Variants in UBE3D observed in about 807,000 individuals in gnomAD.
UBE3D encodes the protein E3 ubiquitin-protein ligase E3D.
In UBE3D, 48 loss-of-function variants were observed where a neutral mutation model predicts 49.6. The ratio of observed to expected loss-of-function variants is 0.97; its 90% CI spans 0.77 to 1.23. The LOEUF is 1.23. Ranked by LOEUF, UBE3D falls within the 50% of genes most tolerant of loss-of-function variation. The probability of loss-of-function intolerance (pLI) is 0.00; values close to 1 mark genes in which losing one functional copy is unlikely to be tolerated. For synonymous variants in UBE3D, 189 were observed against 174.2 expected, an observed-to-expected ratio of 1.08 and a Z score of -0.67; for missense variants, 452 against 468.4, an observed-to-expected ratio of 0.96 and a Z score of 0.32.
intron 8 of UBE3D, among the ~76,000 whole-genome samples, chr6:82,959,062 G>A (rs991888161): frequency 3.9e-5 from 6 of 152,000 alleles, no homozygotes; most frequent in Non-Finnish European, 8.8e-5. Flanking sequence ...GGTGATAAGC[G>A]CTGTTTTCTC....
intron 9 of UBE3D, chr6:82,938,355 G>A (rs1774748701): frequency 6.6e-6 from 1 of 152,166 alleles, no homozygotes; most frequent in South Asian, 2.1e-4. Context: ...GACGTGCCGT[G>A]AGAGAGAGGA....
intron 9 of UBE3D, among the ~76,000 whole-genome samples, chr6:82,895,240 G>A (rs1012028384): frequency 6.6e-6 from 1 of 152,154 alleles, no homozygotes; most frequent in Non-Finnish European, 1.5e-5. Flanking sequence ...GAACCCATAT[G>A]GTAGAGGTTG....
At chr6:82,885,767 T>C in the UBE3D span, among the ~76,000 whole-genome samples, 1 of 152,184 alleles carries the variant, frequency 6.6e-6, no homozygotes, top group African/African-American at 2.4e-5. Flanking sequence ...CTTTCCACAA[T>C]CTGACAAGAA....
At chr6:82,987,754 A>G (rs1202570593) in intron 8 of UBE3D, among the ~76,000 whole-genome samples, 3 of 152,220 alleles carry the variant, frequency 2.0e-5, no homozygotes, top group African/African-American at 7.2e-5. Flanking sequence ...CACATGTTCA[A>G]AAGAGATATG....
At chr6:82,895,090 T>C (rs1227251345) in intron 9 of UBE3D, among the ~76,000 whole-genome samples, 1 of 152,122 alleles carries the variant, frequency 6.6e-6, no homozygotes, top group Non-Finnish European at 1.5e-5. Context: ...GGCAGGCAGA[T>C]GGCTTGAGGT....
Position 82,911,196 on chromosome 6 carries a change from C to CAAAAAAAA in UBE3D, c.1150-18162_1150-18155dup, listed in dbSNP as rs1156620624. ...GTAGGTCACAGCAAGAACATTTTGGCAAAAAAAAAAAAAAAAAAAAAAAAA... is the reference window on the plus strand; with the variant it reads ...GTAGGTCACAGCAAGAACATTTTGGCAAAAAAAAAAAAAAAAAAAAAAAAAAAAAAAAA... On this transcript the variant is annotated intron_variant, in intron 9 of 9. Transcript: ENST00000369747. 1.7e-3 allele frequency among the ~76,000 whole-genome samples: 67 copies of CAAAAAAAA among 39,312 alleles called. 4 individuals carry two copies. Among genetic ancestry groups the CAAAAAAAA allele is most frequent in the Admixed American group, 3.8e-3 (11 of 2,858 alleles). The allele number at this position is 39,312 out of a possible 152,430, so 25.8% of individuals were successfully genotyped here.
At chr6:83,020,938 A>C (rs1417410984) in intron 7 of UBE3D, among the ~76,000 whole-genome samples, 1 of 152,226 alleles carries the variant, frequency 6.6e-6, no homozygotes, top group Non-Finnish European at 1.5e-5. Flanking sequence ...TAGATGTAGA[A>C]GCAGAGAAGA....
chr6:83,016,004 T>A (rs1780673396), intron 8 of UBE3D, among the ~76,000 whole-genome samples: 1 of 152,196 alleles, frequency 6.6e-6, no homozygotes, highest in African/African-American at 2.4e-5. Flanking sequence ...GTCCCATTTT[T>A]TCCCAATTAA....
intron 8 of UBE3D, among the ~76,000 whole-genome samples, chr6:82,995,010 T>C (rs887279596): frequency 1.3e-5 from 2 of 152,104 alleles, no homozygotes; most frequent in Non-Finnish European, 2.9e-5. Context: ...GTTTCCTTTA[T>C]GAGAGCAGAT....
At chr6:83,019,899 G>A (rs907192601) in intron 7 of UBE3D, among the ~76,000 whole-genome samples, 1 of 152,110 alleles carries the variant, frequency 6.6e-6, no homozygotes, top group Non-Finnish European at 1.5e-5. Flanking sequence ...AGTCAGGGAG[G>A]GACTGTGGCG....
At chr6:82,902,534 T>A (rs1339000413) in intron 9 of UBE3D, among the ~76,000 whole-genome samples, 1 of 152,174 alleles carries the variant, frequency 6.6e-6, no homozygotes. Flanking sequence ...ACATACTGTA[T>A]CATTCCATTT....
intron 8 of UBE3D, among the ~76,000 whole-genome samples, chr6:82,978,291 G>A (rs547568818): frequency 6.6e-6 from 1 of 152,094 alleles, no homozygotes; most frequent in South Asian, 2.1e-4. Context: ...CTAATTAAAG[G>A]GGAGACTTTG....
At chr6:82,893,068 T>A (rs945450165) in intron 9 of UBE3D, 26 bp from the exon 10 acceptor site, 1 of 1,612,922 alleles carries the variant, frequency 6.2e-7, no homozygotes, top group African/African-American at 1.3e-5. Context: ...AAACCCACAA[T>A]GCTTTACTTC....
intron 3 of UBE3D, among the ~76,000 whole-genome samples, chr6:83,047,938 C>T (rs1450040037): frequency 6.6e-6 from 1 of 151,714 alleles, no homozygotes; most frequent in Non-Finnish European, 1.5e-5. Flanking sequence ...AAAAATTAGC[C>T]GGGAGTGCTG....
rs1477138212 is a variant in UBE3D at position 83,065,667 on chromosome 6, G to A, written c.52C>T (p.Leu18=). 1.2e-6 allele frequency: 2 copies of A among 1,613,738 alleles called. No homozygotes were observed. The highest frequency in any genetic ancestry group is 1.7e-6 in the Non-Finnish European group (2 of 1,179,884). ...CCCAGGATCAGAAGCGCGCTCTGCA[G>A]CTGTCCCCGCACCTCCAGAAACACG... is the stretch of plus-strand genomic sequence containing the variant. ...TRVFLEVRGQ[L]QSALLILGEP... Residue 18 remains leucine (L), a synonymous_variant, in exon 1 of 10, where the codon CTG becomes TTG. Transcript: ENST00000369747.
At chr6:83,058,188 C>T (rs1023768999) in intron 1 of UBE3D, among the ~76,000 whole-genome samples, 166 bp from the exon 2 acceptor site, 1 of 152,180 alleles carries the variant, frequency 6.6e-6, no homozygotes, top group African/African-American at 2.4e-5. Flanking sequence ...AAGCAACCTA[C>T]ACTAGATTTA....
At chr6:82,907,225 C>T (rs375754362) in intron 9 of UBE3D, among the ~76,000 whole-genome samples, 1 of 152,134 alleles carries the variant, frequency 6.6e-6, no homozygotes, top group Non-Finnish European at 1.5e-5. Context: ...AGGATGAGGT[C>T]GGGCTGTTGC....
At position 83,044,533 on chromosome 6, in the gene UBE3D, TC is replaced by T. The variant is rs770458493; in HGVS notation, c.491del (p.Gly164GlufsTer7). ...LHPQENDCFI[G>X]DSFFLVNLRT... is the part of the protein sequence containing the mutation. ...TTAAATTCACCAAGAAGAAAGAGTCTCCAATAAAACAGTCATTCTCTTGCGG... is the reference window on the plus strand; with the variant it reads ...TTAAATTCACCAAGAAGAAAGAGTCTCAATAAAACAGTCATTCTCTTGCGG... On this transcript the variant is annotated frameshift_variant, in exon 4 of 10. Transcript: ENST00000369747. LOFTEE classifies it high-confidence loss of function. The T allele has an allele frequency of 1.2e-6, 2 of 1,614,114 alleles. No individual in the cohort carries two copies. Among genetic ancestry groups the T allele is most frequent in the Non-Finnish European group, 1.7e-6 (2 of 1,180,002 alleles).
intron 8 of UBE3D, among the ~76,000 whole-genome samples, chr6:82,981,498 C>A (rs1327553547): frequency 6.6e-6 from 1 of 151,850 alleles, no homozygotes; most frequent in Non-Finnish European, 1.5e-5. Context: ...CCAATGCCTC[C>A]TATAAAGTAG....
Sources: gnomAD v4.1 joint callset for allele counts (sites outside exome capture counted in the v4.1 genomes callset) on GRCh38, gnomAD v4.1.1 for gene constraint, MANE v1.5 for transcripts, NCBI Gene and HGNC (gene_info 2026-07-23, HGNC 2026-07-21) for gene names.